Variants in QPRT observed in about 807,000 individuals in gnomAD.
QPRT encodes quinolinate phosphoribosyltransferase.
Under a neutral mutation model 19.8 loss-of-function variants are expected in QPRT, and 17 were observed. The observed-to-expected ratio is 0.86, with a 90% CI of 0.59 to 1.29. QPRT has a LOEUF of 1.29. Among genes scored for constraint, QPRT ranks in the 50% most tolerant of loss-of-function variants. The probability of loss-of-function intolerance (pLI) is 0.00; values close to 1 mark genes in which losing one functional copy is unlikely to be tolerated. For synonymous variants in QPRT, 178 were observed against 191.0 expected (o/e 0.93, Z 0.56); for missense variants, 336 against 405.1 (o/e 0.83, Z 1.46).
At chr16:29,683,779 G>A (rs996093290) in intron 1 of QPRT, among the ~76,000 whole-genome samples, 32 of 152,194 alleles carry the variant, frequency 2.1e-4, no homozygotes, top group Middle Eastern at 3.4e-3. Context: ...GGTTGGAATG[G>A]GCCTGAGCAT....
chr16:29,681,586 TC>T (rs1396686638), intron 1 of QPRT, among the ~76,000 whole-genome samples: 1 of 143,340 alleles, frequency 7.0e-6, no homozygotes, highest in Non-Finnish European at 1.5e-5. Context: ...AACCTCTGCC[TC>T]CCGGGTTCAA....
chr16:29,681,209 C>T (rs1245923701), intron 1 of QPRT, among the ~76,000 whole-genome samples: 2 of 152,090 alleles, frequency 1.3e-5, no homozygotes, highest in Non-Finnish European at 2.9e-5. Flanking sequence ...GCAGTGGAAA[C>T]CCTGGCAAGT....
intron 1 of QPRT, among the ~76,000 whole-genome samples, chr16:29,690,383 G>A (rs1303709419): frequency 2.0e-5 from 3 of 152,136 alleles, no homozygotes; most frequent in African/African-American, 7.2e-5. Flanking sequence ...CCCAGTAATG[G>A]GATTGCTGGG....
At chr16:29,679,259 C>A in intron 1 of QPRT, 49 bp downstream of exon 1, 1 of 1,435,176 alleles carries the variant, frequency 7.0e-7, no homozygotes, top group Non-Finnish European at 9.8e-7. Flanking sequence ...CCCCCCACTG[C>A]CTACCCCTGC....
At chr16:29,683,104 A>C (rs1245532471) in intron 1 of QPRT, among the ~76,000 whole-genome samples, 3 of 150,746 alleles carry the variant, frequency 2.0e-5, no homozygotes, top group African/African-American at 7.3e-5. Context: ...GGCTCACTGC[A>C]ACCTCCGCCT....
At chr16:29,690,003 G>A (rs966774010) in intron 1 of QPRT, among the ~76,000 whole-genome samples, 7 of 152,110 alleles carry the variant, frequency 4.6e-5, no homozygotes, top group African/African-American at 1.2e-4. Flanking sequence ...TCCACAGCTC[G>A]TCTTGCTACA....
chr16:29,697,029 A>G lies in QPRT; in HGVS notation c.583A>G (p.Thr195Ala), dbSNP rs9932770. The G allele has an allele frequency of 1, 1,609,710 of 1,609,928 alleles. 804,746 individuals are homozygous for G. Among genetic ancestry groups the G allele is most frequent in the Middle Eastern group, 1 (5,072 of 5,072 alleles). ...VRAARQAADF[T>A]LKVEVECSSL... ...GGCGGCCAGACAGGCGGCTGACTTC[A>G]CTCTGAAGGTGGAAGTGGAATGCAG... Residue 195 changes from threonine (T) to alanine (A), a missense_variant, in exon 3 of 4, where the codon ACT (threonine) becomes GCT (alanine). Thr to Ala is a moderately conservative substitution (Grantham distance 58). Coordinates refer to ENST00000395384, the MANE Select transcript of QPRT (RefSeq NM_014298.6). The surrounding 1 kb of genome is among the most constrained non-coding windows in gnomAD (Gnocchi z 4.4).
At chr16:29,680,750 G>A (rs1966976212) in intron 1 of QPRT, among the ~76,000 whole-genome samples, 1 of 152,104 alleles carries the variant, frequency 6.6e-6, no homozygotes, top group Non-Finnish European at 1.5e-5. Flanking sequence ...AGACCAGCCT[G>A]GCCAACATGG....
chr16:29,687,389 C>T (rs9923341), intron 1 of QPRT, among the ~76,000 whole-genome samples: 35,221 of 152,058 alleles, frequency 0.23, 4,330 homozygotes, highest in Non-Finnish European at 0.27. Context: ...ATACTTATCC[C>T]ATCAGAGAGG....
intron 1 of QPRT, among the ~76,000 whole-genome samples, chr16:29,691,244 A>G (rs927520078): frequency 6.6e-6 from 1 of 151,228 alleles, no homozygotes; most frequent in Admixed American, 6.6e-5. Context: ...GGGCACCTGT[A>G]ATCCCAGCTA....
chr16:29,694,268 G>A (rs1047655733), intron 1 of QPRT, among the ~76,000 whole-genome samples: 2 of 151,574 alleles, frequency 1.3e-5, no homozygotes, highest in African/African-American at 4.9e-5. Flanking sequence ...ACAGGCGCCC[G>A]CCACCAAGCC....
intron 1 of QPRT, among the ~76,000 whole-genome samples, chr16:29,688,746 C>T (rs1967235470): frequency 6.6e-6 from 1 of 150,738 alleles, no homozygotes; most frequent in Non-Finnish European, 1.5e-5. Flanking sequence ...TCTTGAACTC[C>T]TGACCTCAGG....
rs1386599013 is a variant in QPRT, at chr16:29,695,612, C to T, written c.549+413C>T. 4.0e-5 allele frequency among the ~76,000 whole-genome samples: 6 copies of T among 151,170 alleles called. No individual in the cohort carries two copies. In the South Asian group the frequency reaches 8.4e-4, roughly 21 times the overall value. ...TCAAGCAATTCTCCTGCCTCCGCCT[C>T]CCGAGTAGCTGGGATTACAGGCGCC... On this transcript the variant is annotated intron_variant, in intron 2 of 3. Coordinates refer to ENST00000395384, the MANE Select transcript of QPRT (RefSeq NM_014298.6).
chr16:29,690,575 G>C (rs1967297299), intron 1 of QPRT, among the ~76,000 whole-genome samples: 1 of 152,020 alleles, frequency 6.6e-6, no homozygotes, highest in Admixed American at 6.6e-5. Flanking sequence ...TGTGCCTATA[G>C]TTTTGCCTTT....
rs755874554 is a variant in QPRT at position 29,694,751 on chromosome 16, C to T, written c.101C>T (p.Ala34Val). Residue 34 changes from alanine (A) to valine (V), a missense_variant, in exon 2 of 4, where the codon GCC (alanine) becomes GTC (valine). Physicochemically the swap from Ala to Val is moderately conservative, Grantham distance 64. Transcript: ENST00000395384. ...REDCPGLNYA[A>V]LVSGAGPSQA... Reference sequence around the variant, plus strand: ...GACTGCCCAGGGCTCAACTACGCAGCCTTGGTCAGCGGGGCAGGCCCCTCG... The same window carrying T: ...GACTGCCCAGGGCTCAACTACGCAGTCTTGGTCAGCGGGGCAGGCCCCTCG... The T allele has an allele frequency of 6.2e-7, 1 of 1,611,532 alleles. No homozygotes were observed. The highest frequency in any genetic ancestry group is 8.5e-7 in the Non-Finnish European group (1 of 1,178,640).
In QPRT at chr16:29,694,973, T is replaced by C. The variant is rs762406073; in HGVS notation, c.323T>C (p.Leu108Pro). 6.2e-7 allele frequency: 1 copy of C among 1,608,342 alleles called. No individual in the cohort carries two copies. The highest frequency in any genetic ancestry group is 8.5e-7 in the Non-Finnish European group (1 of 1,179,364). ...GGGGAACGGGTGGCCCTCAACACGC[T>C]GGCCCGCTGCAGTGGCATTGCCAGT... ...LLGERVALNT[L>P]ARCSGIASAA... The change falls in exon 2 of 4, where the codon CTG becomes CCG. Residue 108 changes from leucine to proline, a missense_variant. Leu to Pro is a moderately conservative substitution (Grantham distance 98). Coordinates refer to ENST00000395384, the MANE Select transcript of QPRT (RefSeq NM_014298.6).
chr16:29,683,884 C>T (rs966727529), intron 1 of QPRT, among the ~76,000 whole-genome samples: 1 of 152,198 alleles, frequency 6.6e-6, no homozygotes, highest in African/African-American at 2.4e-5. Flanking sequence ...TTCACACCAA[C>T]ACCCCCACTT....
intron 1 of QPRT, among the ~76,000 whole-genome samples, chr16:29,683,883 A>C (rs1447600374): frequency 6.6e-6 from 1 of 152,086 alleles, no homozygotes; most frequent in Non-Finnish European, 1.5e-5. Context: ...GTTCACACCA[A>C]CACCCCCACT....
At chr16:29,695,807 T>TTTTTTTTTTTTTC in intron 2 of QPRT, 1 of 151,584 alleles carries the variant, frequency 6.6e-6, no homozygotes. Flanking sequence ...TTTTTTTTTT[T>TTTTTTTTTTTTTC]TTTTTTTTTT....
Sources: allele counts gnomAD v4.1 joint callset (sites outside exome capture counted in the v4.1 genomes callset), GRCh38; gene constraint gnomAD v4.1.1; non-coding constraint Gnocchi (gnomAD v3.1); transcripts MANE v1.5; gene names NCBI Gene and HGNC (gene_info 2026-07-23, HGNC 2026-07-21).